The following SLC25A12 variants were observed in gnomAD, a reference collection of about 807,000 sequenced individuals.
The protein encoded by SLC25A12 is electrogenic aspartate/glutamate antiporter SLC25A12, mitochondrial.
SLC25A12 carries 32 observed loss-of-function variants against 83.3 expected under a neutral mutation model. That is an observed-to-expected ratio of 0.38 (90% CI 0.29 to 0.52). SLC25A12 has a LOEUF of 0.52. Ranked by LOEUF, SLC25A12 falls within the 20% of genes least tolerant of loss-of-function variation. SLC25A12 has a pLI of 0.84. For missense variants in SLC25A12, 611 were observed against 835.6 expected (o/e 0.73, Z 3.31); for synonymous variants, 267 against 291.1 (o/e 0.92, Z 0.84).
At chr2:171,821,020 T>C (rs1478231099) in intron 9 of SLC25A12, among the ~76,000 whole-genome samples, 42 of 54,488 alleles carry the variant, frequency 7.7e-4, no homozygotes, top group Non-Finnish European at 1.6e-3. Flanking sequence ...AAACATTCTT[T>C]TTTTTTTTTT....
chr2:171,830,404 T>C (rs935828253), intron 8 of SLC25A12, among the ~76,000 whole-genome samples: 7 of 152,236 alleles, frequency 4.6e-5, no homozygotes, highest in African/African-American at 1.2e-4. Flanking sequence ...TCACAGTAGA[T>C]TGACTGCAGT....
At chr2:171,861,371 C>T (rs1035779229) in intron 3 of SLC25A12, among the ~76,000 whole-genome samples, 20 of 151,958 alleles carry the variant, frequency 1.3e-4, no homozygotes, top group African/African-American at 3.6e-4. Flanking sequence ...AAATAGTCTG[C>T]AATGCTAACA....
chr2:171,886,731 C>T (rs911930849), intron 2 of SLC25A12, among the ~76,000 whole-genome samples: 6 of 151,994 alleles, frequency 3.9e-5, no homozygotes, highest in Middle Eastern at 3.2e-3. Context: ...AGGATGGTCT[C>T]AATCTCCTGA....
chr2:171,795,007 C>T (rs1683571195), intron 13 of SLC25A12, among the ~76,000 whole-genome samples: 1 of 152,206 alleles, frequency 6.6e-6, no homozygotes. Flanking sequence ...TGGCTCAGCC[C>T]ATTTTCCTAA....
At position 171,884,536 on chromosome 2, in the gene SLC25A12, G is replaced by A. The variant is rs181780747; in HGVS notation, c.66+8669C>T. On this transcript the variant is annotated intron_variant, in intron 2 of 17. Transcript: ENST00000422440. The stretch of plus-strand genomic sequence containing the variant: ...TGTAATCCCAGCACTTTGGGAGGCC[G>A]AGGCAGGTACATCACCTGAGGTCAG... Among the ~76,000 whole-genome samples, 7 of 151,500 alleles carry A rather than the reference G, an allele frequency of 4.6e-5. No homozygotes were observed. In the East Asian group the frequency reaches 9.8e-4, roughly 21 times the overall value.
At chr2:171,806,264 A>C (rs1224230907) in intron 13 of SLC25A12, among the ~76,000 whole-genome samples, 3 of 152,198 alleles carry the variant, frequency 2.0e-5, no homozygotes, top group African/African-American at 7.2e-5. Context: ...GTTTGAGACC[A>C]GCCTAACATG....
intron 9 of SLC25A12, among the ~76,000 whole-genome samples, chr2:171,824,079 A>T (rs1684249957): frequency 6.6e-6 from 1 of 152,224 alleles, no homozygotes; most frequent in Non-Finnish European, 1.5e-5. Context: ...AGGCAGAGAA[A>T]GCACTCCCCA....
intron 8 of SLC25A12, among the ~76,000 whole-genome samples, chr2:171,829,094 G>A (rs1684377716): frequency 1.3e-5 from 2 of 152,134 alleles, no homozygotes; most frequent in Non-Finnish European, 2.9e-5. Flanking sequence ...TCCCCACTTG[G>A]CTGCATTCTC....
At chr2:171,814,574 T>C (rs376379528) in intron 10 of SLC25A12, among the ~76,000 whole-genome samples, 6 of 152,192 alleles carry the variant, frequency 3.9e-5, no homozygotes, top group African/African-American at 1.4e-4. Context: ...GCGTTTGTTG[T>C]ACATATTTCA....
chr2:171,827,439 T>C (rs1354847995), intron 8 of SLC25A12, among the ~76,000 whole-genome samples: 1 of 152,038 alleles, frequency 6.6e-6, no homozygotes, highest in Admixed American at 6.5e-5. Flanking sequence ...TTCATTTGCG[T>C]AGGATGTAAC....
At chr2:171,882,862 G>A (rs1335800516) in intron 2 of SLC25A12, among the ~76,000 whole-genome samples, 1 of 152,110 alleles carries the variant, frequency 6.6e-6, no homozygotes, top group African/African-American at 2.4e-5. Context: ...CTGTGTCTTG[G>A]GATTTCAGAG....
At chr2:171,812,208 A>T (rs1434574652) in intron 11 of SLC25A12, among the ~76,000 whole-genome samples, 1 of 152,204 alleles carries the variant, frequency 6.6e-6, no homozygotes, top group Non-Finnish European at 1.5e-5. Flanking sequence ...ATAATGCTAA[A>T]AATGAACATC....
chr2:171,852,659 A>C (rs747685559), intron 4 of SLC25A12: 26 of 455,426 alleles, frequency 5.7e-5, no homozygotes, highest in South Asian at 4.0e-4. Context: ...TACAAACATG[A>C]AAACTGACCT....
intron 4 of SLC25A12, chr2:171,852,778 T>C (rs994245556): frequency 1.3e-5 from 5 of 374,524 alleles, no homozygotes; most frequent in African/African-American, 1.0e-4. Context: ...CCTAGAAATC[T>C]TGTTAAATGG....
At chr2:171,813,832 T>C (rs1204284070) in intron 10 of SLC25A12, among the ~76,000 whole-genome samples, 1 of 152,232 alleles carries the variant, frequency 6.6e-6, no homozygotes, top group African/African-American at 2.4e-5. Context: ...AACTATTATG[T>C]ATAACATTTA....
At chr2:171,826,493 A>T (rs1286553896) in intron 9 of SLC25A12, among the ~76,000 whole-genome samples, 1 of 152,108 alleles carries the variant, frequency 6.6e-6, no homozygotes, top group East Asian at 1.9e-4. Flanking sequence ...CTGTAATCCC[A>T]ATTACTCGGG....
chr2:171,827,844 T>C (rs571715832), intron 8 of SLC25A12, among the ~76,000 whole-genome samples: 53 of 152,360 alleles, frequency 3.5e-4, no homozygotes, highest in African/African-American at 1.3e-3. Flanking sequence ...TATTTTTCTT[T>C]GCTTTGCTTT....
intron 2 of SLC25A12, among the ~76,000 whole-genome samples, chr2:171,870,660 A>G (rs767142404): frequency 1.5e-4 from 23 of 152,112 alleles, no homozygotes; most frequent in Non-Finnish European, 2.8e-4. Context: ...CAGGAATGTG[A>G]GAGGAAGTAG....
rs201919131 is a variant in SLC25A12, at chr2:171,792,463, TC to T, written c.1447-875del. ...CCACTGTGCCGGCTAATTTTTTCTT[TC>T]TTTTTTTTTTTTAAGGTAGACACAA... On this transcript the variant is annotated intron_variant, in intron 14 of 17. Transcript: ENST00000422440. Among the ~76,000 whole-genome samples, 100 of 148,864 alleles carry T rather than the reference TC, an allele frequency of 6.7e-4. 1 individual carries two copies. The highest frequency in any genetic ancestry group is 7.9e-4 in the African/African-American group (32 of 40,456).
Sources: allele counts gnomAD v4.1 joint callset (sites outside exome capture counted in the v4.1 genomes callset), GRCh38; gene constraint gnomAD v4.1.1; transcripts MANE v1.5; gene names NCBI Gene and HGNC (gene_info 2026-07-23, HGNC 2026-07-21).